FBN1: variants seen among roughly 807,000 people sequenced by gnomAD.
The protein encoded by FBN1 is fibrillin 1, also known as fibrillin-1.
A neutral mutation model predicts 365.1 loss-of-function variants in FBN1; 29 were observed. The ratio of observed to expected loss-of-function variants is 0.08; its 90% CI spans 0.06 to 0.11. The LOEUF (loss-of-function observed/expected upper bound fraction) is 0.11. FBN1 is among the 10% of genes least tolerant of loss of function. The probability of loss-of-function intolerance (pLI) is 1.00; values close to 1 mark genes in which losing one functional copy is unlikely to be tolerated. For synonymous variants in FBN1, 1,210 were observed against 1,270.5 expected (o/e 0.95, Z 1.01); for missense variants, 2,476 against 3,703.2 (o/e 0.67, Z 8.60).
At chr15:48,466,700 G>T (rs2043325291) in intron 38 of FBN1, among the ~76,000 whole-genome samples, 2 of 152,072 alleles carry the variant, frequency 1.3e-5, no homozygotes, top group Admixed American at 6.5e-5. Flanking sequence ...ATCTGGTGTG[G>T]TGTGGATATC....
chr15:48,478,829 A>G (rs1040351023), intron 32 of FBN1, among the ~76,000 whole-genome samples: 1 of 152,184 alleles, frequency 6.6e-6, no homozygotes, highest in Admixed American at 6.5e-5. Context: ...GAACATTGCT[A>G]AAGTGATTGG....
In FBN1 at chr15:48,408,332, T is replaced by C. The variant is rs1235747346; in HGVS notation, c.*2658A>G. On this transcript the variant is annotated 3_prime_UTR_variant, in exon 66 of 66. Coordinates refer to ENST00000316623, the MANE Select transcript of FBN1 (RefSeq NM_000138.5). Reference sequence around the variant, plus strand: ...GCAGCATCAACCCAATTGTCCTTTATTTTGGCTCATCTAATTTACAGACAT... The same window carrying C: ...GCAGCATCAACCCAATTGTCCTTTACTTTGGCTCATCTAATTTACAGACAT... The C allele has an allele frequency of 2.0e-5, 3 of 152,662 alleles. No individual in the cohort carries two copies. Among genetic ancestry groups the C allele is most frequent in the African/African-American group, 7.2e-5 (3 of 41,462 alleles). The allele number at this position is 152,662 out of a possible 1,614,324, so 9.5% of individuals were successfully genotyped here. A position where few individuals can be genotyped will look rare whatever the true frequency, so the allele number is the denominator to read the frequency against.
At chr15:48,516,911 C>G (rs1420198258) in intron 10 of FBN1, among the ~76,000 whole-genome samples, 1 of 152,070 alleles carries the variant, frequency 6.6e-6, no homozygotes, top group African/African-American at 2.4e-5. Context: ...TTGAATCGGA[C>G]AGAAGTGGAC....
chr15:48,464,954 G>A (rs986649709), intron 40 of FBN1, among the ~76,000 whole-genome samples: 3 of 152,198 alleles, frequency 2.0e-5, no homozygotes, highest in Non-Finnish European at 4.4e-5. Context: ...AGAGCCAGGG[G>A]AATATTTCTT....
chr15:48,571,593 T>C (rs964940738), intron 6 of FBN1, among the ~76,000 whole-genome samples: 2 of 152,170 alleles, frequency 1.3e-5, no homozygotes, highest in African/African-American at 4.8e-5. Flanking sequence ...AGAGTAAATG[T>C]CTATTGTTGG....
At chr15:48,613,170 A>T in intron 2 of FBN1, 78 bp from the exon 3 acceptor site, 1 of 1,113,948 alleles carries the variant, frequency 9.0e-7, no homozygotes, top group South Asian at 1.3e-5. Context: ...AGGAAAAAAA[A>T]TTCCTGAGTT....
rs992846436 is a variant in FBN1, at chr15:48,409,148, A to T, written c.*1842T>A. On this transcript the variant is annotated 3_prime_UTR_variant, in exon 66 of 66. Coordinates refer to ENST00000316623, the MANE Select transcript of FBN1 (RefSeq NM_000138.5). The stretch of plus-strand genomic sequence containing the variant: ...ATGTTAATGGCCTGTTAGGTGGAAG[A>T]AAGCATCTTTGTCCAATGGTTGCCA... 1 of 152,240 alleles carries T rather than the reference A, an allele frequency of 6.6e-6. No individual in the cohort carries two copies. Among genetic ancestry groups the T allele is most frequent in the Non-Finnish European group, 1.5e-5 (1 of 68,040 alleles). The allele number at this position is 152,240 out of a possible 1,614,324, so 9.4% of individuals were successfully genotyped here. A position where few individuals can be genotyped will look rare whatever the true frequency, so the allele number is the denominator to read the frequency against.
chr15:48,621,672 T>A (rs1889768977), intron 2 of FBN1, among the ~76,000 whole-genome samples: 1 of 152,138 alleles, frequency 6.6e-6, no homozygotes, highest in Non-Finnish European at 1.5e-5. Context: ...AGGAATAGAC[T>A]TTAATCACTA....
chr15:48,621,951 T>A (rs552008350), intron 2 of FBN1, among the ~76,000 whole-genome samples: 26 of 151,914 alleles, frequency 1.7e-4, no homozygotes, highest in African/African-American at 5.8e-4. Context: ...TGAGCCGAGA[T>A]TGTGCCACTG....
intron 56 of FBN1, 29 bp from the exon 57 acceptor site, chr15:48,428,500 C>T (rs781447246): frequency 1.2e-6 from 2 of 1,613,558 alleles, no homozygotes; most frequent in African/African-American, 2.7e-5. Context: ...GGACCAAAAA[C>T]AAGAAGAGTC....
At chr15:48,575,844 C>CACACACACA (rs2044342947) in intron 6 of FBN1, among the ~76,000 whole-genome samples, 1 of 145,702 alleles carries the variant, frequency 6.9e-6, no homozygotes, top group African/African-American at 2.5e-5. Flanking sequence ...CACACACACA[C>CACACACACA]CATGGAATAC....
At chr15:48,477,524 G>A (rs922544019) in intron 32 of FBN1, among the ~76,000 whole-genome samples, 16 of 152,184 alleles carry the variant, frequency 1.1e-4, no homozygotes, top group African/African-American at 3.9e-4. Flanking sequence ...GCATGTGGGT[G>A]TGTGTGCATG....
At chr15:48,581,962 C>T (rs922865933) in intron 6 of FBN1, among the ~76,000 whole-genome samples, 1 of 152,068 alleles carries the variant, frequency 6.6e-6, no homozygotes, top group Non-Finnish European at 1.5e-5. Context: ...TGAAGGGTTG[C>T]CCCAAGGACT....
chr15:48,470,558 T>C lies in FBN1; in HGVS notation c.4459+76A>G. ...CTTGTCTTCTGTGACGGCCCTTGTG[T>C]AGTCCCAGGGAGGCTCCAATAGCTG... is the stretch of plus-strand genomic sequence containing the variant. On this transcript the variant is annotated intron_variant, in intron 36 of 65. Coordinates refer to ENST00000316623, the MANE Select transcript of FBN1 (RefSeq NM_000138.5). The C allele has an allele frequency of 3.8e-6, 6 of 1,593,392 alleles. No homozygotes were observed. The South Asian group carries it at 5.5e-5, about 15-fold the overall frequency.
At chr15:48,424,381 TCTCTCCTCTCC>T (rs1293651841) in intron 60 of FBN1, among the ~76,000 whole-genome samples, 1 of 152,042 alleles carries the variant, frequency 6.6e-6, no homozygotes, top group Non-Finnish European at 1.5e-5. Flanking sequence ...GCTCTCCACT[TCTCTCCTCTCC>T]TCTCCTCCAA....
At position 48,644,841 on chromosome 15, in the gene FBN1, C is replaced by G. The variant is rs1890266343; in HGVS notation, c.-72G>C. The G allele has an allele frequency of 7.0e-7, 1 of 1,427,990 alleles. No homozygotes were observed. The allele number at this position is 1,427,990 out of a possible 1,614,324, so 88.5% of individuals were successfully genotyped here. Reference sequence around the variant, plus strand: ...GCTCGGTCTGCGGCCGCCGCTGCGCCCTGAAGCGCACCGCGCCGCCGGGGT... The same window carrying G: ...GCTCGGTCTGCGGCCGCCGCTGCGCGCTGAAGCGCACCGCGCCGCCGGGGT... On this transcript the variant is annotated 5_prime_UTR_variant, in exon 2 of 66. Transcript: ENST00000316623.
chr15:48,630,808 T>G (rs1440316808), intron 2 of FBN1, among the ~76,000 whole-genome samples: 2 of 152,124 alleles, frequency 1.3e-5, no homozygotes, highest in African/African-American at 4.8e-5. Context: ...TATTCTTACT[T>G]TTTTACAAAC....
chr15:48,627,852 T>C (rs1286592830), intron 2 of FBN1, among the ~76,000 whole-genome samples: 1 of 152,190 alleles, frequency 6.6e-6, no homozygotes, highest in African/African-American at 2.4e-5. Context: ...ACAGTATTTG[T>C]GTTTCAAGCT....
intron 2 of FBN1, among the ~76,000 whole-genome samples, chr15:48,614,028 T>C (rs573383410): frequency 1.6e-4 from 24 of 152,336 alleles, no homozygotes; most frequent in African/African-American, 5.5e-4. Flanking sequence ...TCATCACATG[T>C]CTTGGAGTAG....
Sources: gnomAD v4.1 joint callset for allele counts (sites outside exome capture counted in the v4.1 genomes callset) on GRCh38, gnomAD v4.1.1 for gene constraint, MANE v1.5 for transcripts, NCBI Gene and HGNC (gene_info 2026-07-23, HGNC 2026-07-21) for gene names.